The following RBPJ variants were observed in gnomAD, a reference collection of about 807,000 sequenced individuals.
RBPJ encodes the protein recombination signal binding protein for immunoglobulin kappa J region.
Under a neutral mutation model 67.8 loss-of-function variants are expected in RBPJ, and 9 were observed. That is an observed-to-expected ratio of 0.13 (90% CI 0.08 to 0.23). The LOEUF is 0.23. Ranked by LOEUF, RBPJ falls within the 10% of genes least tolerant of loss-of-function variation. The pLI, the probability that RBPJ is intolerant of heterozygous loss-of-function variation, is 1.00. For synonymous variants in RBPJ, 198 were observed against 203.3 expected (o/e 0.97, Z 0.22); for missense variants, 305 against 595.6 (o/e 0.51, Z 5.08).
intron 1 of RBPJ, among the ~76,000 whole-genome samples, chr4:26,363,552 T>G (rs1728298422): frequency 6.6e-6 from 1 of 152,114 alleles, no homozygotes; most frequent in South Asian, 2.1e-4. Context: ...AATTCTCCTG[T>G]CTCAGCCTTC....
chr4:26,204,438 G>A (rs1289195521), intron 1 of RBPJ, among the ~76,000 whole-genome samples: 7 of 152,160 alleles, frequency 4.6e-5, no homozygotes, highest in African/African-American at 4.8e-5. Flanking sequence ...AGAGGAAGGC[G>A]CCTTACTGGT....
intron 1 of RBPJ, among the ~76,000 whole-genome samples, chr4:26,301,917 C>T (rs938065625): frequency 1.3e-5 from 2 of 152,038 alleles, no homozygotes; most frequent in Non-Finnish European, 1.5e-5. Context: ...TGCAGCCTCC[C>T]GAGTAGCTGG....
chr4:26,371,778 A>T (rs1729182879), intron 1 of RBPJ, among the ~76,000 whole-genome samples: 1 of 152,250 alleles, frequency 6.6e-6, no homozygotes, highest in Non-Finnish European at 1.5e-5. Context: ...GATTTCTTTG[A>T]AACATTAAAT....
At chr4:26,251,829 CAG>C (rs1174370978) in intron 1 of RBPJ, among the ~76,000 whole-genome samples, 2 of 106,682 alleles carry the variant, frequency 1.9e-5, no homozygotes, top group Non-Finnish European at 3.4e-5. Context: ...GCCTGGGTGA[CAG>C]AGCGAGACTC....
chr4:26,404,677 T>C (rs187854739), intron 2 of RBPJ, among the ~76,000 whole-genome samples: 81 of 152,326 alleles, frequency 5.3e-4, no homozygotes, highest in South Asian at 1.7e-3. Flanking sequence ...AAGTGCTTAG[T>C]TCAAGGCCTG....
At chr4:26,158,600 C>T (rs534165182), upstream of RBPJ, among the ~76,000 whole-genome samples, 19 of 152,264 alleles carry the variant, frequency 1.2e-4, no homozygotes, top group East Asian at 3.9e-4. Flanking sequence ...GAAGAGAAGG[C>T]GCCAAATTTA....
At chr4:26,247,040 A>G (rs1292793328) in intron 1 of RBPJ, among the ~76,000 whole-genome samples, 3 of 146,542 alleles carry the variant, frequency 2.0e-5, no homozygotes, top group Non-Finnish European at 3.0e-5. Context: ...TGGTGCAATC[A>G]TGGCTCACTG....
intron 1 of RBPJ, among the ~76,000 whole-genome samples, chr4:26,251,278 G>T (rs1720099741): frequency 6.6e-6 from 1 of 152,128 alleles, no homozygotes; most frequent in Non-Finnish European, 1.5e-5. Flanking sequence ...ACCATGGAAT[G>T]AAGATTTTTA....
Position 26,390,618 on chromosome 4 carries a change from G to C in RBPJ, c.59+4227G>C, listed in dbSNP as rs138771565. 1.4e-4 allele frequency among the ~76,000 whole-genome samples: 21 copies of C among 152,268 alleles called. No homozygotes were observed. The East Asian group carries it at 3.1e-3, about 22-fold the overall frequency. ...AGCAATGGGAAATTGGAATTTGAAAGCAATACAATTTACACAGTAGTATAA... is the reference window on the plus strand; with the variant it reads ...AGCAATGGGAAATTGGAATTTGAAACCAATACAATTTACACAGTAGTATAA... On this transcript the variant is annotated intron_variant, in intron 2 of 10. Coordinates refer to ENST00000355476, the MANE Select transcript of RBPJ (RefSeq NM_015874.6).
chr4:26,250,328 C>CT lies in RBPJ; in HGVS notation c.-167+86735dup, dbSNP rs869105820. ...TTGTAGCATAGATCAGACTCCATTC[C>CT]TTTTTTTTTTTTTTTTTTTTTGAAA... On this transcript the variant is annotated intron_variant, in intron 1 of 4. Coordinates refer to the RBPJ transcript ENST00000512351. Among the ~76,000 whole-genome samples, 759 of 120,672 alleles carry CT rather than the reference C, an allele frequency of 6.3e-3. 5 individuals are homozygous for CT. Among genetic ancestry groups the CT allele is most frequent in the South Asian group, 0.012 (46 of 3,730 alleles). The allele number at this position is 120,672 out of a possible 152,430, so 79.2% of individuals were successfully genotyped here.
chr4:26,194,596 G>T (rs1313950812), intron 1 of RBPJ, among the ~76,000 whole-genome samples: 1 of 152,194 alleles, frequency 6.6e-6, no homozygotes, highest in Non-Finnish European at 1.5e-5. Flanking sequence ...CATCCCCCCA[G>T]AACAGATTTC....
intron 1 of RBPJ, among the ~76,000 whole-genome samples, chr4:26,336,374 A>G (rs1243635352): frequency 2.0e-5 from 3 of 152,184 alleles, no homozygotes; most frequent in Non-Finnish European, 1.5e-5. Context: ...CAGCCATCCC[A>G]GAGGCTGAGG....
At chr4:26,318,343 T>C (rs547464977), upstream of RBPJ, among the ~76,000 whole-genome samples, 2 of 152,186 alleles carry the variant, frequency 1.3e-5, no homozygotes, top group African/African-American at 4.8e-5. Flanking sequence ...ACGTGGCTGA[T>C]TGAAGAATTT....
chr4:26,244,103 A>G (rs1719740805), intron 1 of RBPJ, among the ~76,000 whole-genome samples: 1 of 151,504 alleles, frequency 6.6e-6, no homozygotes, highest in Non-Finnish European at 1.5e-5. Context: ...CTGTCTCAAA[A>G]AAAAAGAAGA....
upstream of RBPJ, among the ~76,000 whole-genome samples, chr4:26,316,108 G>A (rs927984151): frequency 2.6e-5 from 4 of 152,022 alleles, no homozygotes; most frequent in Admixed American, 2.6e-4. Flanking sequence ...AGGATTAAGA[G>A]ATTAAAGTAA....
intron 5 of RBPJ, among the ~76,000 whole-genome samples, chr4:26,421,313 T>G (rs754714755): frequency 6.6e-6 from 1 of 152,118 alleles, no homozygotes. Context: ...ACTTTTCTTT[T>G]TTTTTTTGAG....
At chr4:26,153,464 T>A in the RBPJ span, among the ~76,000 whole-genome samples, 4 of 152,198 alleles carry the variant, frequency 2.6e-5, no homozygotes, top group Non-Finnish European at 5.9e-5. Context: ...AAGATTACTG[T>A]ACACTGTATT....
chr4:26,227,810 C>T (rs1035418740), intron 1 of RBPJ, among the ~76,000 whole-genome samples: 4 of 152,352 alleles, frequency 2.6e-5, no homozygotes, highest in African/African-American at 7.2e-5. Context: ...GATGTCAGCA[C>T]GCTTGCTCCA....
intron 1 of RBPJ, among the ~76,000 whole-genome samples, chr4:26,355,748 C>T (rs1314690359): frequency 2.0e-5 from 3 of 152,298 alleles, no homozygotes; most frequent in Non-Finnish European, 4.4e-5. Flanking sequence ...CAGTCTGGCC[C>T]TTGATAGTTT....
Sources: allele counts gnomAD v4.1 joint callset (sites outside exome capture counted in the v4.1 genomes callset), GRCh38; gene constraint gnomAD v4.1.1; transcripts MANE v1.5; gene names NCBI Gene and HGNC (gene_info 2026-07-23, HGNC 2026-07-21).